The following AHRR variants were observed in gnomAD, a reference collection of about 807,000 sequenced individuals.
AHRR encodes the protein aryl hydrocarbon receptor repressor, also known as ahR repressor.
Under a neutral mutation model 44.0 loss-of-function variants are expected in AHRR, and 28 were observed. The ratio of observed to expected loss-of-function variants is 0.64; its 90% CI spans 0.47 to 0.87. AHRR has a LOEUF of 0.87. Ranked by LOEUF, AHRR falls within the 40% of genes least tolerant of loss-of-function variation. The pLI is 0.00. For missense variants in AHRR, 990 were observed against 953.9 expected, an observed-to-expected ratio of 1.04 and a Z score of -0.50; for synonymous variants, 434 against 407.0, an observed-to-expected ratio of 1.07 and a Z score of -0.80.
In AHRR at chr5:434,195, G is replaced by C; in HGVS notation, c.1455G>C (p.Gln485His). ...ACCCTCCCCTCTGCCACTTTCCCCAGAGGAGCCTGCAGCACCAGCTCCCTC... is the reference window on the plus strand; with the variant it reads ...ACCCTCCCCTCTGCCACTTTCCCCACAGGAGCCTGCAGCACCAGCTCCCTC... Reference protein sequence around the residue: ...QVHPPLCHFPQRSLQHQLPQP... With the variant: ...QVHPPLCHFPHRSLQHQLPQP... Residue 485 changes from glutamine (Q) to histidine (H), a missense_variant, in exon 11 of 11, where the codon CAG becomes CAC. Coordinates refer to ENST00000684583, the MANE Select transcript of AHRR (RefSeq NM_001377236.1). The C allele has an allele frequency of 6.3e-7, 1 of 1,593,106 alleles. No homozygotes were observed. The highest frequency in any genetic ancestry group is 8.5e-7 in the Non-Finnish European group (1 of 1,169,768).
At chr5:325,466 G>T (rs1242016849) in intron 1 of AHRR, among the ~76,000 whole-genome samples, 1 of 152,232 alleles carries the variant, frequency 6.6e-6, no homozygotes, top group Non-Finnish European at 1.5e-5. Context: ...AGGCCTTGCA[G>T]TTCTGATGGG....
In AHRR at chr5:437,976, T is replaced by C. The variant is rs1367319669; in HGVS notation, c.*3142T>C. 6.6e-6 allele frequency: 1 copy of C among 152,386 alleles called. No individual in the cohort carries two copies. The highest frequency in any genetic ancestry group is 1.5e-5 in the Non-Finnish European group (1 of 68,044). The allele number at this position is 152,386 out of a possible 1,614,324, so 9.4% of individuals were successfully genotyped here. On this transcript the variant is annotated 3_prime_UTR_variant, in exon 11 of 11. Transcript: ENST00000684583. The stretch of plus-strand genomic sequence containing the variant: ...ATTGTTAGCACTAATTACAGGTTCA[T>C]GTTTTTCTGTGTATGTAGCTTTTCC...
chr5:351,350 G>A lies in AHRR; in HGVS notation c.63-2380G>A, dbSNP rs116489156. Among the ~76,000 whole-genome samples, 1,423 of 152,250 alleles carry A rather than the reference G, an allele frequency of 9.3e-3. 35 individuals are homozygous for A. Among genetic ancestry groups the A allele is most frequent in the African/African-American group, 0.033 (1,363 of 41,534 alleles). On this transcript the variant is annotated intron_variant, in intron 2 of 10. Transcript: ENST00000684583. ...ACGGCAGCCAAACAGAGGAGACAAC[G>A]CAAACGTCCATCAGCAGATAGACGG...
rs528324069 is a variant in AHRR, at chr5:410,420, C to G, written c.352-2924C>G. On this transcript the variant is annotated intron_variant, in intron 4 of 10. Coordinates refer to ENST00000684583, the MANE Select transcript of AHRR (RefSeq NM_001377236.1). ...AGAGACGGGGTCTCACTATGCTGCC[C>G]AGGCTGGTCTTGAACTGCTGGGCTC... 6.2e-4 allele frequency among the ~76,000 whole-genome samples: 95 copies of G among 152,268 alleles called. 1 individual carries two copies. The South Asian group carries it at 0.019, about 31-fold the overall frequency.
At chr5:414,257 C>T (rs929337765) in intron 5 of AHRR, among the ~76,000 whole-genome samples, 1 of 151,610 alleles carries the variant, frequency 6.6e-6, no homozygotes, top group Admixed American at 6.6e-5. Flanking sequence ...AGCGAGACTC[C>T]ATCTCAAAAA....
rs568741859 is a variant in AHRR, at chr5:410,632, T to C, written c.352-2712T>C. ...GGAGACAGGACAATCCTAACTACAT[T>C]GAGCCTTTCAATCCAGGAACACTGT... On this transcript the variant is annotated intron_variant, in intron 4 of 10. Transcript: ENST00000684583. Among the ~76,000 whole-genome samples the C allele has an allele frequency of 5.6e-4, 85 of 152,340 alleles. 1 individual carries two copies. The highest frequency in any genetic ancestry group is 2.0e-3 in the African/African-American group (83 of 41,592).
chr5:411,337 T>C lies in AHRR; in HGVS notation c.352-2007T>C, dbSNP rs1735460434. Among the ~76,000 whole-genome samples, 1 of 152,018 alleles carries C rather than the reference T, an allele frequency of 6.6e-6. No individual in the cohort carries two copies. Among genetic ancestry groups the C allele is most frequent in the Non-Finnish European group, 1.5e-5 (1 of 68,008 alleles). ...TATTACACTTCCTGTGTCCTCATTA[T>C]GATGCAATTTTGGGTCTGTGTAGCT... On this transcript the variant is annotated intron_variant, in intron 4 of 10. Transcript: ENST00000684583. This position sits in a 1 kb window ranked among gnomAD's most constrained non-coding sequence, Gnocchi z 4.2.
chr5:427,889 T>C lies in AHRR; in HGVS notation c.791T>C (p.Leu264Pro). ...TCAGGAGCCATGCTCCCGCCGCGGC[T>C]GTCGCTGTTCTGCATTGCGGCACCC... The part of the protein sequence containing the change: ...APSGAMLPPR[L>P]SLFCIAAPVL... The change falls in exon 8 of 11, where the codon CTG (leucine) becomes CCG (proline). Residue 264 changes from leucine to proline, a missense_variant. Physicochemically the swap from Leu to Pro is moderately conservative, Grantham distance 98 (BLOSUM62 -3). Transcript: ENST00000684583. 26 of 1,614,150 alleles carry C rather than the reference T, an allele frequency of 1.6e-5. No homozygotes were observed. The highest frequency in any genetic ancestry group is 2.2e-5 in the Non-Finnish European group (26 of 1,180,044).
At position 422,714 on chromosome 5, in the gene AHRR, G is replaced by T. The variant is rs148057315; in HGVS notation, c.442-15G>T. The T allele has an allele frequency of 2.4e-4, 387 of 1,614,180 alleles. 2 individuals are homozygous for T. The East Asian group carries it at 7.0e-3, about 29-fold the overall frequency. On this transcript the variant is annotated splice_polypyrimidine_tract_variant and intron_variant, in intron 5 of 10. Transcript: ENST00000684583. Reference sequence around the variant, plus strand: ...CTTGGGGTAAGGCTGAAATAATCTTGTTGCGCTATTTCAGACGGATGTAAT... The same window carrying T: ...CTTGGGGTAAGGCTGAAATAATCTTTTTGCGCTATTTCAGACGGATGTAAT...
At chr5:423,046 C>T (rs1736206677) in intron 6 of AHRR, among the ~76,000 whole-genome samples, 188 bp downstream of exon 6, 1 of 152,168 alleles carries the variant, frequency 6.6e-6, no homozygotes, top group South Asian at 2.1e-4. Flanking sequence ...ATTCGGCTGC[C>T]ACAGCTCCGT....
chr5:417,900 C>A (rs1438863331), intron 5 of AHRR, among the ~76,000 whole-genome samples: 1 of 152,188 alleles, frequency 6.6e-6, no homozygotes, highest in Non-Finnish European at 1.5e-5. Flanking sequence ...ACCAATTATT[C>A]CCAGTCACAG....
In AHRR at chr5:404,160, G is replaced by T. The variant is rs1453028188; in HGVS notation, c.352-9184G>T. On this transcript the variant is annotated intron_variant, in intron 4 of 10. Transcript: ENST00000684583. The surrounding 1 kb of genome is among the most constrained non-coding windows in gnomAD (Gnocchi z 4.1). ...CTCTCAGCCTCAGCCGTTCCTGGTG[G>T]GTCTGCATTCCTGTCACGAGCTGGT... The T allele has an allele frequency of 7.5e-6, 4 of 534,932 alleles. No homozygotes were observed. In the African/African-American group the frequency reaches 7.7e-5, roughly 10 times the overall value. 33.1% of individuals were successfully genotyped at this position (534,932 alleles called of 1,614,324 possible). A position where few individuals can be genotyped will look rare whatever the true frequency, so the allele number is the denominator to read the frequency against.
chr5:369,223 C>T lies in AHRR; in HGVS notation c.245-7387C>T, dbSNP rs1049691301. Among the ~76,000 whole-genome samples the T allele has an allele frequency of 8.5e-5, 13 of 152,304 alleles. No homozygotes were observed. The East Asian group carries it at 1.7e-3, about 20-fold the overall frequency. ...TTCCCTCACACTCTGTTAATACACC[C>T]GCCCATGTGTCAAGAGCAGCACGGC... On this transcript the variant is annotated intron_variant, in intron 3 of 10. Transcript: ENST00000684583.
chr5:415,648 C>CCGAACCTGCCTGGTCTGCT (rs1560916386), intron 5 of AHRR, among the ~76,000 whole-genome samples: 1 of 105,208 alleles, frequency 9.5e-6, no homozygotes, highest in Non-Finnish European at 2.1e-5. Flanking sequence ...CCTGGTGGGG[C>CCGAACCTGCCTGGTCTGCT]GGGAGGCCTA....
chr5:343,488 T>C (rs6858967), intron 1 of AHRR: 32,141 of 112,740 alleles, frequency 0.29, 3,588 homozygotes, highest in African/African-American at 0.42. Context: ...GAACACGGGA[T>C]CCCGCGTGAC....
chr5:417,563 C>T (rs1735884920), intron 5 of AHRR, among the ~76,000 whole-genome samples: 2 of 152,232 alleles, frequency 1.3e-5, no homozygotes, highest in Admixed American at 1.3e-4. Flanking sequence ...TCTCCAGATG[C>T]ACCCAGAGCC....
intron 7 of AHRR, among the ~76,000 whole-genome samples, chr5:425,511 T>G (rs6895798): frequency 0.029 from 4,433 of 152,242 alleles, 127 homozygotes; most frequent in Middle Eastern, 0.082. Context: ...GTAGAGACAG[T>G]GTTTCACTGT....
Position 434,714 on chromosome 5 carries a change from G to A in AHRR, c.1974G>A (p.Glu658=), listed in dbSNP as rs367817487. The A allele has an allele frequency of 2.9e-4, 452 of 1,573,922 alleles. 1 individual carries two copies. Among genetic ancestry groups the A allele is most frequent in the Non-Finnish European group, 2.6e-4 (307 of 1,159,620 alleles). Residue 658 remains glutamate (E), a synonymous_variant, in exon 11 of 11, where the codon GAG becomes GAA. Coordinates refer to ENST00000684583, the MANE Select transcript of AHRR (RefSeq NM_001377236.1). ...AGGCCGCCCCTGTGGTCAAGCGGGA[G>A]CCCTTGGACTCACCCCAGTGGGCTA... ...AAEAAPVVKR[E]PLDSPQWATH...
intron 4 of AHRR, among the ~76,000 whole-genome samples, chr5:401,561 G>A (rs1028192327): frequency 3.3e-5 from 5 of 152,222 alleles, no homozygotes; most frequent in Admixed American, 6.5e-5. Flanking sequence ...ACTCCAGGCA[G>A]GACAAGAACT....
Sources: gnomAD v4.1 joint callset for allele counts (sites outside exome capture counted in the v4.1 genomes callset) on GRCh38, gnomAD v4.1.1 for gene constraint, Gnocchi (gnomAD v3.1) non-coding constraint, MANE v1.5 for transcripts, NCBI Gene and HGNC (gene_info 2026-07-23, HGNC 2026-07-21) for gene names.